The following FAF1 variants were observed in gnomAD, a reference collection of about 807,000 sequenced individuals.
FAF1 encodes the protein FAS-associated factor 1.
FAF1 carries 25 observed loss-of-function variants against 92.5 expected under a neutral mutation model. The ratio of observed to expected loss-of-function variants is 0.27; its 90% CI spans 0.20 to 0.38. The LOEUF is 0.38. FAF1 is among the 10% of genes least tolerant of loss of function. FAF1 has a pLI of 1.00. For synonymous variants in FAF1, 234 were observed against 273.2 expected (o/e 0.86, Z 1.42); for missense variants, 636 against 793.3 (o/e 0.80, Z 2.38).
At chr1:50,795,336 T>A (rs1236387073) in intron 3 of FAF1, among the ~76,000 whole-genome samples, 1 of 152,222 alleles carries the variant, frequency 6.6e-6, no homozygotes, top group East Asian at 1.9e-4. Context: ...CAGCAATGCA[T>A]CTGTCAGGAC....
intron 13 of FAF1, among the ~76,000 whole-genome samples, chr1:50,552,232 G>GGTC (rs1338641827): frequency 1.3e-5 from 2 of 151,926 alleles, no homozygotes; most frequent in East Asian, 1.9e-4. Flanking sequence ...GGGAGGTGGA[G>GGTC]GTTGCAGTGA....
chr1:50,441,127 G>A lies in FAF1; in HGVS notation c.*313C>T, dbSNP rs1234953126. The A allele has an allele frequency of 4.1e-6, 1 of 246,252 alleles. No homozygotes were observed. Among genetic ancestry groups the A allele is most frequent in the Admixed American group, 5.3e-5 (1 of 18,754 alleles). The allele number at this position is 246,252 out of a possible 1,614,324, so 15.3% of individuals were successfully genotyped here. Reference sequence around the variant, plus strand: ...CTGTGGGGAAAAGATGGGCACTGGAGAGGTAAAAATTCTATTTAGTGATCA... The same window carrying A: ...CTGTGGGGAAAAGATGGGCACTGGAAAGGTAAAAATTCTATTTAGTGATCA... On this transcript the variant is annotated 3_prime_UTR_variant, in exon 19 of 19. Coordinates refer to ENST00000396153, the MANE Select transcript of FAF1 (RefSeq NM_007051.3).
intron 4 of FAF1, among the ~76,000 whole-genome samples, chr1:50,778,579 G>T (rs1281603845): frequency 6.6e-6 from 1 of 152,088 alleles, no homozygotes; most frequent in African/African-American, 2.4e-5. Context: ...CTAGAGAAAA[G>T]AAAATGTTAT....
rs112324543 is a variant in FAF1, at chr1:50,492,740, A to G, written c.1495-939T>C. 3.1e-3 allele frequency among the ~76,000 whole-genome samples: 466 copies of G among 152,264 alleles called. 4 individuals are homozygous for G. The highest frequency in any genetic ancestry group is 0.011 in the African/African-American group (442 of 41,546). On this transcript the variant is annotated intron_variant, in intron 15 of 18. Transcript: ENST00000396153. ...AATTTCTCACTTTTTTGTCTCCCCA[A>G]TATATGCTTACTCAAGGCTGAATAT...
chr1:50,650,585 A>G (rs909363104), intron 8 of FAF1, among the ~76,000 whole-genome samples: 1 of 152,062 alleles, frequency 6.6e-6, no homozygotes, highest in Non-Finnish European at 1.5e-5. Flanking sequence ...TCACCACCGC[A>G]CTCCACCCTG....
chr1:50,838,749 A>G (rs1332023978), intron 2 of FAF1, among the ~76,000 whole-genome samples: 1 of 151,956 alleles, frequency 6.6e-6, no homozygotes, highest in African/African-American at 2.4e-5. Context: ...TTATTTTGAA[A>G]ACTCCTTAAA....
intron 1 of FAF1, among the ~76,000 whole-genome samples, chr1:50,887,420 C>T (rs185711493): frequency 1.3e-5 from 2 of 152,152 alleles, no homozygotes; most frequent in African/African-American, 4.8e-5. Context: ...GTTGCCATTG[C>T]TTTTGGTGTT....
chr1:50,803,745 C>T (rs1397886543), intron 2 of FAF1, among the ~76,000 whole-genome samples: 1 of 152,042 alleles, frequency 6.6e-6, no homozygotes, highest in Non-Finnish European at 1.5e-5. Context: ...GATACAAATC[C>T]ACTTTTCAAC....
At chr1:50,719,374 G>A (rs1442782368) in intron 6 of FAF1, among the ~76,000 whole-genome samples, 6 of 152,120 alleles carry the variant, frequency 3.9e-5, no homozygotes, top group South Asian at 4.1e-4. Flanking sequence ...CATGTTTAAC[G>A]AAGGTTGGCC....
intron 7 of FAF1, among the ~76,000 whole-genome samples, chr1:50,686,786 C>A (rs1039125059): frequency 6.6e-6 from 1 of 152,170 alleles, no homozygotes; most frequent in South Asian, 2.1e-4. Flanking sequence ...AAAAAGAGTT[C>A]TTTAAACTCT....
intron 18 of FAF1, among the ~76,000 whole-genome samples, chr1:50,447,803 C>T (rs1646247292): frequency 6.6e-6 from 1 of 152,162 alleles, no homozygotes; most frequent in African/African-American, 2.4e-5. Context: ...GAAATCCATC[C>T]CTTCAGTTAT....
chr1:50,855,927 T>A (rs1346552290), intron 2 of FAF1, among the ~76,000 whole-genome samples: 1 of 151,838 alleles, frequency 6.6e-6, no homozygotes, highest in African/African-American at 2.4e-5. Flanking sequence ...CAAGTGTTGT[T>A]AGAATATTCT....
chr1:50,930,463 T>C (rs551154438), intron 1 of FAF1, among the ~76,000 whole-genome samples: 145 of 152,364 alleles, frequency 9.5e-4, no homozygotes, highest in Non-Finnish European at 1.6e-3. Flanking sequence ...ACTTTAGTTA[T>C]TAACCTCTCT....
At chr1:50,728,869 T>C (rs1451463318) in intron 6 of FAF1, among the ~76,000 whole-genome samples, 3 of 150,328 alleles carry the variant, frequency 2.0e-5, no homozygotes, top group African/African-American at 7.3e-5. Context: ...TGTAGTTTTA[T>C]GGAGAGGACT....
chr1:50,641,156 C>CT (rs1221946877), intron 8 of FAF1, among the ~76,000 whole-genome samples: 1 of 151,964 alleles, frequency 6.6e-6, no homozygotes, highest in Non-Finnish European at 1.5e-5. Flanking sequence ...AAAGAGTCAG[C>CT]ATTTGGTTTC....
At chr1:50,690,678 T>C (rs1363999043) in intron 7 of FAF1, among the ~76,000 whole-genome samples, 1 of 152,202 alleles carries the variant, frequency 6.6e-6, no homozygotes, top group Non-Finnish European at 1.5e-5. Context: ...TTAAAATGCA[T>C]TGTGCTACAT....
At chr1:50,831,894 C>T (rs1644156671) in intron 2 of FAF1, among the ~76,000 whole-genome samples, 1 of 151,552 alleles carries the variant, frequency 6.6e-6, no homozygotes, top group South Asian at 2.1e-4. Flanking sequence ...CATATTACCA[C>T]CTGAGCTCCG....
chr1:50,871,487 C>T (rs1644527972), intron 1 of FAF1, among the ~76,000 whole-genome samples: 1 of 152,160 alleles, frequency 6.6e-6, no homozygotes, highest in South Asian at 2.1e-4. Context: ...CAACTGAAGC[C>T]AATGCTTATT....
chr1:50,519,283 C>T (rs1225915932), intron 15 of FAF1, among the ~76,000 whole-genome samples: 1 of 150,646 alleles, frequency 6.6e-6, no homozygotes, highest in Non-Finnish European at 1.5e-5. Flanking sequence ...GAGTCGAGAC[C>T]ACGCCACTGC....
Sources: allele counts gnomAD v4.1 joint callset (sites outside exome capture counted in the v4.1 genomes callset), GRCh38; gene constraint gnomAD v4.1.1; transcripts MANE v1.5; gene names NCBI Gene and HGNC (gene_info 2026-07-23, HGNC 2026-07-21).